DYNC2H1: variants seen among roughly 807,000 people sequenced by gnomAD.
DYNC2H1 encodes cytoplasmic dynein 2 heavy chain 1.
DYNC2H1 carries 410 observed loss-of-function variants against 570.0 expected under a neutral mutation model. That is an observed-to-expected ratio of 0.72 (90% CI 0.66 to 0.78). DYNC2H1 has a LOEUF of 0.78. Ranked by LOEUF, DYNC2H1 falls within the 30% of genes least tolerant of loss-of-function variation. The pLI is 0.00. For synonymous variants in DYNC2H1, 1,688 were observed against 1,677.6 expected (o/e 1.01, Z -0.15); for missense variants, 4,865 against 5,046.4 (o/e 0.96, Z 1.09).
intron 87 of DYNC2H1, among the ~76,000 whole-genome samples, chr11:103,467,695 G>A (rs1326697579): frequency 1.3e-5 from 2 of 152,108 alleles, no homozygotes; most frequent in African/African-American, 2.4e-5. Context: ...CCGCCACCAC[G>A]CCCAGCTAAT....
At chr11:103,125,342 C>T (rs757534723) in intron 12 of DYNC2H1, 47 bp downstream of exon 12, 23 of 1,034,170 alleles carry the variant, frequency 2.2e-5, no homozygotes, top group Middle Eastern at 2.4e-4. Context: ...GAGTTCATTA[C>T]GTTAAACTAG....
chr11:103,378,704 T>C (rs193268278), intron 83 of DYNC2H1, among the ~76,000 whole-genome samples: 269 of 152,340 alleles, frequency 1.8e-3, no homozygotes, highest in African/African-American at 6.1e-3. Context: ...GCAATAAACA[T>C]TTCTGAGGAT....
chr11:103,286,266 C>T lies in DYNC2H1; in HGVS notation c.10902C>T (p.Pro3634=). The T allele has an allele frequency of 6.2e-7, 1 of 1,613,520 alleles. No individual in the cohort carries two copies. The highest frequency in any genetic ancestry group is 1.1e-5 in the South Asian group (1 of 90,966). Reference sequence around the variant, plus strand: ...TTTTTATTTTTTAGATTGCTCTCCCCAGTCTTTATCAGACCCTCTGCTTTG... The same window carrying T: ...TTTTTATTTTTTAGATTGCTCTCCCTAGTCTTTATCAGACCCTCTGCTTTG... ...WAVATLKIAL[P]SLYQTLCFED... The change falls in exon 74 of 89, where the codon CCC becomes CCT. Residue 3634 remains proline, a synonymous_variant. Transcript: ENST00000375735.
At chr11:103,215,187 T>C (rs926308302) in intron 54 of DYNC2H1, among the ~76,000 whole-genome samples, 3 of 152,192 alleles carry the variant, frequency 2.0e-5, no homozygotes, top group Non-Finnish European at 4.4e-5. Flanking sequence ...TCTGGTACTA[T>C]GTTGAATAGG....
At chr11:103,111,461 T>C (rs1227037734) in intron 1 of DYNC2H1, among the ~76,000 whole-genome samples, 2 of 152,246 alleles carry the variant, frequency 1.3e-5, no homozygotes, top group Admixed American at 6.5e-5. Context: ...TGTTAACTTT[T>C]CTTTTTCTCC....
chr11:103,477,566 T>C (rs1179185438), intron 88 of DYNC2H1, among the ~76,000 whole-genome samples: 1 of 152,168 alleles, frequency 6.6e-6, no homozygotes, highest in East Asian at 1.9e-4. Context: ...ATGCAGTGGC[T>C]CACGCCTGTA....
intron 85 of DYNC2H1, among the ~76,000 whole-genome samples, chr11:103,452,972 C>T (rs1376425511): frequency 1.3e-5 from 2 of 151,768 alleles, no homozygotes; most frequent in Non-Finnish European, 2.9e-5. Context: ...TCATTCATTC[C>T]AGTTTAGAAG....
chr11:103,142,014 T>C (rs1486629544), intron 17 of DYNC2H1, among the ~76,000 whole-genome samples: 4 of 152,184 alleles, frequency 2.6e-5, no homozygotes, highest in Non-Finnish European at 4.4e-5. Flanking sequence ...CTCCCAGCCA[T>C]GTGCAGGATA....
intron 40 of DYNC2H1, among the ~76,000 whole-genome samples, chr11:103,182,459 A>C (rs563637667): frequency 6.6e-5 from 10 of 151,856 alleles, no homozygotes; most frequent in Non-Finnish European, 1.2e-4. Flanking sequence ...TATGTGAAGC[A>C]TAATACAAGA....
chr11:103,342,558 A>C (rs1174662759), intron 82 of DYNC2H1, among the ~76,000 whole-genome samples: 2 of 149,106 alleles, frequency 1.3e-5, no homozygotes. Context: ...GCTGGAGTGC[A>C]GTGGCGTGAT....
At chr11:103,332,663 G>T (rs1938880562) in intron 82 of DYNC2H1, among the ~76,000 whole-genome samples, 1 of 152,038 alleles carries the variant, frequency 6.6e-6, no homozygotes, top group Non-Finnish European at 1.5e-5. Flanking sequence ...GAAAAAACTG[G>T]AAACCACAAA....
rs1286820632 is a variant in DYNC2H1, at chr11:103,461,752, A to T, written c.12648+5396A>T. The stretch of plus-strand genomic sequence containing the variant: ...TTTTTTTTTTTTAATAATGTTTAAT[A>T]CTTTCTATTATTAAACATTTTAAAC... On this transcript the variant is annotated intron_variant, in intron 87 of 88. Transcript: ENST00000375735. This position sits in a 1 kb window ranked among gnomAD's most constrained non-coding sequence, Gnocchi z 4.8. Among the ~76,000 whole-genome samples the T allele has an allele frequency of 6.6e-6, 1 of 151,364 alleles. No individual in the cohort carries two copies. The highest frequency in any genetic ancestry group is 6.6e-5 in the Admixed American group (1 of 15,112).
intron 24 of DYNC2H1, 126 bp downstream of exon 24, chr11:103,154,935 A>G (rs1303959647): frequency 2.8e-6 from 2 of 722,884 alleles, no homozygotes; most frequent in Non-Finnish European, 4.2e-6. Flanking sequence ...GATGAAGAAA[A>G]TAGGAAATAC....
intron 75 of DYNC2H1, among the ~76,000 whole-genome samples, chr11:103,294,565 C>G (rs1230934302): frequency 6.6e-6 from 1 of 152,126 alleles, no homozygotes; most frequent in East Asian, 1.9e-4. Flanking sequence ...CTCTCTTTTC[C>G]CCAAGCAAAA....
chr11:103,183,584 T>C (rs748988691), intron 40 of DYNC2H1, among the ~76,000 whole-genome samples: 6 of 151,944 alleles, frequency 3.9e-5, no homozygotes, highest in Non-Finnish European at 7.4e-5. Context: ...AATTCTCTAG[T>C]CAAATGCTGA....
At chr11:103,452,721 C>A (rs1944652900) in intron 85 of DYNC2H1, among the ~76,000 whole-genome samples, 1 of 151,928 alleles carries the variant, frequency 6.6e-6, no homozygotes, top group Non-Finnish European at 1.5e-5. Context: ...ACTCTTATGA[C>A]ATACTATTTA....
rs1864761421 is a variant in DYNC2H1, at chr11:103,249,829, T to C, written c.10043-3456T>C. Among the ~76,000 whole-genome samples, 1 of 152,116 alleles carries C rather than the reference T, an allele frequency of 6.6e-6. No homozygotes were observed. Among genetic ancestry groups the C allele is most frequent in the Admixed American group, 6.6e-5 (1 of 15,232 alleles). ...GTGACTCCTGCTTCTTTACCAATGA[T>C]AGTTTAGTCCCACTCCATTTCTCTT... On this transcript the variant is annotated intron_variant, in intron 65 of 88. Coordinates refer to ENST00000375735, the MANE Select transcript of DYNC2H1 (RefSeq NM_001377.3). This position sits in a 1 kb window ranked among gnomAD's most constrained non-coding sequence, Gnocchi z 4.6.
At chr11:103,234,208 A>G in intron 61 of DYNC2H1, 48 bp downstream of exon 61, 1 of 1,536,148 alleles carries the variant, frequency 6.5e-7, no homozygotes, top group Non-Finnish European at 8.8e-7. Flanking sequence ...AAACTGCAGG[A>G]AATCTATAAT....
Position 103,147,889 on chromosome 11 carries a change from T to C in DYNC2H1, c.2818+2T>C, listed in dbSNP as rs1318574391. On this transcript the variant is annotated splice_donor_variant, in intron 19 of 88. Transcript: ENST00000375735. LOFTEE classifies it high-confidence loss of function. ...TTTCTTTGAAGAAGTCCATACAGGG[T>C]AAATACACATTTTAATTTTTATTTT... is the stretch of plus-strand genomic sequence containing the variant. The C allele has an allele frequency of 6.4e-7, 1 of 1,562,704 alleles. No individual in the cohort carries two copies. Among genetic ancestry groups the C allele is most frequent in the Non-Finnish European group, 8.8e-7 (1 of 1,139,794 alleles).
Sources: gnomAD v4.1 joint callset for allele counts (sites outside exome capture counted in the v4.1 genomes callset) on GRCh38, gnomAD v4.1.1 for gene constraint, Gnocchi (gnomAD v3.1) non-coding constraint, MANE v1.5 for transcripts, NCBI Gene and HGNC (gene_info 2026-07-23, HGNC 2026-07-21) for gene names.